WDR17: variants seen among roughly 807,000 people sequenced by gnomAD.
WDR17 encodes the protein WD repeat-containing protein 17.
In WDR17, 143 loss-of-function variants were observed where a neutral mutation model predicts 161.7. The observed-to-expected ratio is 0.88, with a 90% confidence interval of 0.77 to 1.02. The LOEUF is 1.02. Ranked by LOEUF, WDR17 falls within the 50% of genes least tolerant of loss-of-function variation. The pLI is 0.00. For missense variants in WDR17, 1,469 were observed against 1,520.9 expected (o/e 0.97, Z 0.57); for synonymous variants, 517 against 515.6 (o/e 1.00, Z -0.04).
intron 7 of WDR17, among the ~76,000 whole-genome samples, chr4:176,133,171 A>ATTTTTTTTTTTTT (rs1743766210): frequency 7.6e-6 from 1 of 131,354 alleles, no homozygotes; most frequent in Non-Finnish European, 1.6e-5. Context: ...AAAAAAAACA[A>ATTTTTTTTTTTTT]TTTTTTATTT....
rs766931117 is a variant in WDR17, at chr4:176,151,786, A to T, written c.2305-26A>T. 14 of 1,540,244 alleles carry T rather than the reference A, an allele frequency of 9.1e-6. No homozygotes were observed. In the African/African-American group the frequency reaches 1.3e-4, roughly 14 times the overall value. ...AAAACAAAATATGTCAAATTTTTTT[A>T]AATTCTATTTTCTTTTTAAAACCAG... is the stretch of plus-strand genomic sequence containing the variant. On this transcript the variant is annotated intron_variant, in intron 16 of 28. Transcript: ENST00000508596.
chr4:176,125,143 T>C lies in WDR17; in HGVS notation c.578T>C (p.Leu193Pro). 6.2e-7 allele frequency: 1 copy of C among 1,614,132 alleles called. No individual in the cohort carries two copies. Among genetic ancestry groups the C allele is most frequent in the Non-Finnish European group, 8.5e-7 (1 of 1,179,994 alleles). ...AAACATGTTTTGAGACCAGAATCTCTTGAAGGGACAGATGAAGAGGATCCA... is the reference window on the plus strand; with the variant it reads ...AAACATGTTTTGAGACCAGAATCTCCTGAAGGGACAGATGAAGAGGATCCA... ...NQKHVLRPES[L>P]EGTDEEDPVT... is the part of the protein sequence containing the mutation. The change falls in exon 5 of 29, where the codon CTT (leucine) becomes CCT (proline). Residue 193 changes from leucine (L) to proline (P), a missense_variant. Transcript: ENST00000508596.
intron 2 of WDR17, among the ~76,000 whole-genome samples, chr4:176,113,652 A>C (rs1419254337): frequency 6.6e-6 from 1 of 152,060 alleles, no homozygotes; most frequent in African/African-American, 2.4e-5. Flanking sequence ...TCTCAATTAC[A>C]GTGCTTTGAA....
At chr4:176,123,663 G>A (rs1046696583) in intron 4 of WDR17, among the ~76,000 whole-genome samples, 75 of 152,326 alleles carry the variant, frequency 4.9e-4, no homozygotes, top group African/African-American at 1.7e-3. Flanking sequence ...TGGGGCTTCC[G>A]TGCTGTCTCC....
At chr4:176,147,132 T>C (rs1449941806) in intron 12 of WDR17, among the ~76,000 whole-genome samples, 1 of 152,148 alleles carries the variant, frequency 6.6e-6, no homozygotes, top group Non-Finnish European at 1.5e-5. Context: ...CCCAAAGTGC[T>C]GGGATTACAG....
At chr4:176,165,186 A>G (rs2877925) in intron 22 of WDR17, among the ~76,000 whole-genome samples, 81,463 of 146,926 alleles carry the variant, frequency 0.55, 22,867 homozygotes, top group Admixed American at 0.65. Context: ...AAAAAAACCC[A>G]TTACTAAAAA....
rs930755860 is a variant in WDR17, at chr4:176,131,538, T to C, written c.914-16T>C. The C allele has an allele frequency of 6.3e-7, 1 of 1,587,346 alleles. No individual in the cohort carries two copies. Among genetic ancestry groups the C allele is most frequent in the South Asian group, 1.2e-5 (1 of 85,734 alleles). On this transcript the variant is annotated splice_polypyrimidine_tract_variant and intron_variant, in intron 6 of 28. Transcript: ENST00000508596. ...GTGGTTTCATTCCAATAGGATTTTT[T>C]TTCTTCTATTTTTAGTTTCAGTCCA...
At position 176,179,452 on chromosome 4, in the gene WDR17, C is replaced by T; in HGVS notation, c.3733-8C>T. ...TCATCTTCTCTTTCCTCAACTCTCACTGTGCAGGGCCCTGTGTTTTTCCTT... is the reference window on the plus strand; with the variant it reads ...TCATCTTCTCTTTCCTCAACTCTCATTGTGCAGGGCCCTGTGTTTTTCCTT... On this transcript the variant is annotated splice_region_variant and splice_polypyrimidine_tract_variant and intron_variant, in intron 28 of 28. Transcript: ENST00000508596. The T allele has an allele frequency of 6.6e-7, 1 of 1,520,896 alleles. No homozygotes were observed. The highest frequency in any genetic ancestry group is 1.4e-5 in the South Asian group (1 of 72,352). The allele number at this position is 1,520,896 out of a possible 1,614,324, so 94.2% of individuals were successfully genotyped here. A position where few individuals can be genotyped will look rare whatever the true frequency, so the allele number is the denominator to read the frequency against.
rs888865311 is a variant in WDR17 at position 176,173,300 on chromosome 4, C to G, written c.3278C>G (p.Thr1093Ser). 2.5e-6 allele frequency: 4 copies of G among 1,613,014 alleles called. No homozygotes were observed. In the African/African-American group the frequency reaches 5.3e-5, roughly 22 times the overall value. ...AGTAGCTCAGACTGGACTTTGGATA[C>G]CATATACCCTGTTCTTGACCTACTG... ...YISSSDWTLD[T>S]IYPVLDLLSY... The change falls in exon 25 of 29, where the codon ACC becomes AGC. Residue 1093 changes from threonine (T) to serine (S), a missense_variant. Physicochemically the swap from Thr to Ser is moderately conservative, Grantham distance 58. Coordinates refer to ENST00000508596, the MANE Select transcript of WDR17 (RefSeq NM_181265.4).
intron 17 of WDR17, among the ~76,000 whole-genome samples, chr4:176,154,486 G>C (rs982519829): frequency 1.3e-5 from 2 of 151,202 alleles, no homozygotes; most frequent in Admixed American, 6.6e-5. Context: ...CATCTCAAAA[G>C]AAAAAAAGAA....
chr4:176,178,428 T>C (rs1294392532), intron 28 of WDR17, among the ~76,000 whole-genome samples: 6 of 152,220 alleles, frequency 3.9e-5, no homozygotes, highest in Admixed American at 2.0e-4. Flanking sequence ...CCATTTCTAG[T>C]ACGTGGTACC....
At chr4:176,161,956 A>G (rs530367762) in intron 20 of WDR17, 119 bp from the exon 21 acceptor site, 317 of 848,698 alleles carry the variant, frequency 3.7e-4, no homozygotes, top group Non-Finnish European at 5.0e-4. Context: ...AAGTCTTTAA[A>G]GCAAGCATGT....
Position 176,111,679 on chromosome 4 carries a change from G to A in WDR17, c.99G>A (p.Ala33=), listed in dbSNP as rs751401574. The A allele has an allele frequency of 3.2e-5, 51 of 1,599,600 alleles. No individual in the cohort carries two copies. The highest frequency in any genetic ancestry group is 3.0e-4 in the South Asian group (27 of 88,672). Residue 33 remains alanine, a synonymous_variant, in exon 2 of 29, where the codon GCG becomes GCA. Coordinates refer to ENST00000508596, the MANE Select transcript of WDR17 (RefSeq NM_181265.4). ...AASGDRFAYC[A]TLAIYIYQLD... is the part of the protein sequence containing the mutation. ...GTGGAGACAGGTTTGCATATTGTGC[G>A]ACCCTGGCTATCTATATTTATCAGG...
At chr4:176,153,526 G>A (rs915381443) in intron 17 of WDR17, among the ~76,000 whole-genome samples, 1 of 152,072 alleles carries the variant, frequency 6.6e-6, no homozygotes, top group African/African-American at 2.4e-5. Context: ...AAACTTATTG[G>A]ACCTTTCCCT....
Position 176,141,973 on chromosome 4 carries a change from T to A in WDR17, c.1443-10T>A. 2 of 1,561,530 alleles carry A rather than the reference T, an allele frequency of 1.3e-6. No individual in the cohort carries two copies. Among genetic ancestry groups the A allele is most frequent in the Non-Finnish European group, 1.7e-6 (2 of 1,144,156 alleles). ...TTGTTTTTCTATTAACATATTATAA[T>A]TAATTCTAGTATTATTCGAACAATT... is the stretch of plus-strand genomic sequence containing the variant. On this transcript the variant is annotated splice_polypyrimidine_tract_variant and intron_variant, in intron 10 of 28. Transcript: ENST00000508596.
At chr4:176,112,961 A>G (rs892465226) in intron 2 of WDR17, among the ~76,000 whole-genome samples, 2 of 152,170 alleles carry the variant, frequency 1.3e-5, no homozygotes, top group African/African-American at 2.4e-5. Flanking sequence ...TTTAAGAAAT[A>G]TAGCATTAAT....
intron 23 of WDR17, among the ~76,000 whole-genome samples, chr4:176,169,678 C>T (rs999091962): frequency 6.6e-6 from 1 of 152,102 alleles, no homozygotes; most frequent in Non-Finnish European, 1.5e-5. Flanking sequence ...TATCCCTATT[C>T]ATTAAGCAAC....
chr4:176,152,886 G>T (rs1747439529), intron 17 of WDR17, among the ~76,000 whole-genome samples: 1 of 150,420 alleles, frequency 6.6e-6, no homozygotes, highest in Admixed American at 6.6e-5. Context: ...ACGGAGCCGA[G>T]ATCGCACCAT....
rs539939749 is a variant in WDR17, at chr4:176,148,170, A to C, written c.1732A>C (p.Ile578Leu). ...CTGGGATTATACTCAGGATGCTTGC[A>C]TCAATATTCTTAATGGACACACTGC... ...RIWDYTQDAC[I>L]NILNGHTAPV... The change falls in exon 13 of 29, where the codon ATC (isoleucine) becomes CTC (leucine). Residue 578 changes from isoleucine (I) to leucine (L), a missense_variant. By Grantham distance (5) the Ile-to-Leu change is conservative. Transcript: ENST00000508596. 1.2e-6 allele frequency: 2 copies of C among 1,614,004 alleles called. No individual in the cohort carries two copies. Among genetic ancestry groups the C allele is most frequent in the Non-Finnish European group, 1.7e-6 (2 of 1,179,954 alleles).
Sources: allele counts gnomAD v4.1 joint callset (sites outside exome capture counted in the v4.1 genomes callset), GRCh38; gene constraint gnomAD v4.1.1; transcripts MANE v1.5; gene names NCBI Gene and HGNC (gene_info 2026-07-23, HGNC 2026-07-21).